The following MAOB variants were observed in gnomAD, a reference collection of about 807,000 sequenced individuals.
MAOB encodes the protein amine oxidase [flavin-containing] B.
MAOB carries 15 observed loss-of-function variants against 41.9 expected under a neutral mutation model. That is an observed-to-expected ratio of 0.36 (90% confidence interval 0.24 to 0.55). The LOEUF (loss-of-function observed/expected upper bound fraction) is 0.55, where lower values mean the gene tolerates loss of function less well. MAOB is among the 20% of genes least tolerant of loss of function. The pLI is 0.86. For missense variants in MAOB, 345 were observed against 398.7 expected, an observed-to-expected ratio of 0.87 and a Z score of 1.15; for synonymous variants, 167 against 144.2, an observed-to-expected ratio of 1.16 and a Z score of -1.13.
At chrX:43,776,334 G>C (rs1166194149) in intron 11 of MAOB, among the ~76,000 whole-genome samples, 1 of 112,603 alleles carries the variant, frequency 8.9e-6, no homozygotes, top group East Asian at 2.8e-4. Context: ...AATTAATCAT[G>C]CACACCCTTC....
chrX:43,856,800 G>A (rs993038724), intron 1 of MAOB, among the ~76,000 whole-genome samples: 5 of 108,757 alleles, frequency 4.6e-5, no homozygotes, highest in Non-Finnish European at 5.7e-5. Flanking sequence ...GGTTGAGGAG[G>A]AGGAAGAAGA....
chrX:43,830,742 C>T (rs1300908491), intron 3 of MAOB, among the ~76,000 whole-genome samples: 1 of 111,686 alleles, frequency 9.0e-6, no homozygotes, highest in Non-Finnish European at 1.9e-5. Context: ...ATCCCCAGAA[C>T]CTATTAGAAA....
At chrX:43,780,460 G>A (rs2034317472) in intron 9 of MAOB, 65 bp from the exon 10 acceptor site, 5 of 833,428 alleles carry the variant, frequency 6.0e-6, no homozygotes, top group Admixed American at 2.3e-5. Flanking sequence ...CCTCATTTTC[G>A]TAGCTACACA....
chrX:43,815,762 C>T (rs1020435517), intron 3 of MAOB, among the ~76,000 whole-genome samples: 6 of 111,994 alleles, frequency 5.4e-5, no homozygotes, highest in African/African-American at 1.9e-4. Context: ...TCATATCTTG[C>T]TAATGGTAGT....
At chrX:43,834,166 G>T (rs2035047407) in intron 3 of MAOB, among the ~76,000 whole-genome samples, 1 of 112,275 alleles carries the variant, frequency 8.9e-6, no homozygotes, top group Non-Finnish European at 1.9e-5. Context: ...CACAGAGCCA[G>T]TAAACTCAAC....
chrX:43,836,194 C>T (rs759143801), intron 3 of MAOB, among the ~76,000 whole-genome samples: 43 of 112,050 alleles, frequency 3.8e-4, no homozygotes, highest in African/African-American at 1.4e-3. Flanking sequence ...TTCTCAACTA[C>T]ATTCTCTAGT....
intron 3 of MAOB, among the ~76,000 whole-genome samples, chrX:43,813,962 AG>A (rs2034778412): frequency 9.0e-6 from 1 of 110,540 alleles, no homozygotes; most frequent in Admixed American, 9.7e-5. Context: ...TGGTGGTTTG[AG>A]GTTGGTTGCA....
At chrX:43,789,584 G>A (rs1260240408) in intron 8 of MAOB, among the ~76,000 whole-genome samples, 1 of 112,036 alleles carries the variant, frequency 8.9e-6, no homozygotes, top group African/African-American at 3.2e-5. Flanking sequence ...GGGCTAGAAT[G>A]AAGGGCTGAT....
At chrX:43,786,084 C>T (rs895247673) in intron 8 of MAOB, among the ~76,000 whole-genome samples, 5 of 111,643 alleles carry the variant, frequency 4.5e-5, no homozygotes, top group Non-Finnish European at 9.4e-5. Flanking sequence ...CTGTAAAGTG[C>T]AATAAAGTGA....
chrX:43,802,361 T>TA, intron 4 of MAOB, 98 bp from the exon 5 acceptor site: 1 of 587,764 alleles, frequency 1.7e-6, no homozygotes, highest in South Asian at 3.0e-5. Context: ...ACTATTCAAA[T>TA]AGTATTAAAA....
intron 3 of MAOB, among the ~76,000 whole-genome samples, chrX:43,811,511 T>G (rs772945589): frequency 8.9e-6 from 1 of 111,802 alleles, no homozygotes; most frequent in East Asian, 2.8e-4. Flanking sequence ...GGCCATAAAC[T>G]AATTTGAAGG....
chrX:43,789,822 C>T (rs1412819707), intron 8 of MAOB, among the ~76,000 whole-genome samples: 1 of 111,592 alleles, frequency 9.0e-6, no homozygotes, highest in East Asian at 2.8e-4. Context: ...TTTGCTTGAC[C>T]ACAAGATCAT....
chrX:43,826,062 G>T (rs1031409573), intron 3 of MAOB, among the ~76,000 whole-genome samples: 11 of 112,135 alleles, frequency 9.8e-5, no homozygotes, highest in Admixed American at 9.5e-4. Flanking sequence ...TATTTTATTT[G>T]TTTGTTTATA....
intron 1 of MAOB, among the ~76,000 whole-genome samples, chrX:43,856,955 AT>A (rs201106668): frequency 0.036 from 3,442 of 95,135 alleles, 122 homozygotes; most frequent in South Asian, 0.15. Flanking sequence ...CTACAATTTA[AT>A]TTTTTTTTTT....
chrX:43,787,501 C>T (rs778631408), intron 8 of MAOB, among the ~76,000 whole-genome samples: 4 of 111,862 alleles, frequency 3.6e-5, no homozygotes, highest in African/African-American at 1.3e-4. Context: ...GGGTGTACAC[C>T]TAGATTGCAC....
At chrX:43,807,627 A>G (rs2034684144) in intron 3 of MAOB, among the ~76,000 whole-genome samples, 2 of 112,750 alleles carry the variant, frequency 1.8e-5, no homozygotes, top group Non-Finnish European at 3.7e-5. Flanking sequence ...TTAACTCAGT[A>G]GTGAAATGTG....
intron 8 of MAOB, among the ~76,000 whole-genome samples, chrX:43,787,238 A>T (rs1369035234): frequency 2.7e-5 from 3 of 111,342 alleles, no homozygotes; most frequent in Non-Finnish European, 5.7e-5. Flanking sequence ...TTCAGAATAA[A>T]ATAAGTCAAT....
intron 3 of MAOB, among the ~76,000 whole-genome samples, chrX:43,828,899 C>A (rs1334946365): frequency 8.9e-6 from 1 of 112,055 alleles, no homozygotes; most frequent in African/African-American, 3.2e-5. Context: ...TGCATATAAA[C>A]TGCTTAGAAT....
rs747821029 is a variant in MAOB, at chrX:43,787,506, T to C, written c.928+5913A>G. 5.3e-5 allele frequency among the ~76,000 whole-genome samples: 6 copies of C among 112,411 alleles called. No homozygotes were observed. The South Asian group carries it at 2.2e-3, about 42-fold the overall frequency. Reference sequence around the variant, plus strand: ...TCCAAAGTGGGGGTGTACACCTAGATTGCACATCTAGATAGTGGAAGAAAA... The same window carrying C: ...TCCAAAGTGGGGGTGTACACCTAGACTGCACATCTAGATAGTGGAAGAAAA... On this transcript the variant is annotated intron_variant, in intron 8 of 14. Coordinates refer to ENST00000378069, the MANE Select transcript of MAOB (RefSeq NM_000898.5).
Sources: allele counts gnomAD v4.1 joint callset (sites outside exome capture counted in the v4.1 genomes callset), GRCh38; gene constraint gnomAD v4.1.1; transcripts MANE v1.5; gene names NCBI Gene and HGNC (gene_info 2026-07-23, HGNC 2026-07-21).